Variants in DLC1 observed in about 807,000 individuals in gnomAD.
The protein encoded by DLC1 is rho GTPase-activating protein 7.
A neutral mutation model predicts 140.3 loss-of-function variants in DLC1; 54 were observed. The observed-to-expected ratio is 0.38, with a 90% CI of 0.31 to 0.48. The LOEUF (loss-of-function observed/expected upper bound fraction) is 0.48, where lower values mean the gene tolerates loss of function less well. Among genes scored for constraint, DLC1 ranks in the 20% least tolerant of loss-of-function variants. The probability of loss-of-function intolerance (pLI) is 0.96; values close to 1 mark genes in which losing one functional copy is unlikely to be tolerated. For synonymous variants in DLC1, 986 were observed against 728.1 expected, an observed-to-expected ratio of 1.35 and a Z score of -5.70; for missense variants, 2,536 against 1,907.0, an observed-to-expected ratio of 1.33 and a Z score of -6.14.
chr8:13,579,336 TATA>T lies in DLC1; in HGVS notation c.-126+25198_-126+25200del, dbSNP rs1340048800. On this transcript the variant is annotated intron_variant, in intron 1 of 1. Coordinates refer to the DLC1 transcript ENST00000631382. Reference sequence around the variant, plus strand: ...GACTTTATATATATATATATATATATATATATATATATATATATATATATATTT... The same window carrying T: ...GACTTTATATATATATATATATATATTATATATATATATATATATATATTT... Among the ~76,000 whole-genome samples, 114 of 20,250 alleles carry T rather than the reference TATA, an allele frequency of 5.6e-3. 26 individuals carry two copies. The highest frequency in any genetic ancestry group is 0.018 in the African/African-American group (113 of 6,146). 13.3% of individuals were successfully genotyped at this position (20,250 alleles called of 152,430 possible).
At chr8:13,243,980 C>A (rs1262651511) in intron 5 of DLC1, among the ~76,000 whole-genome samples, 1 of 152,148 alleles carries the variant, frequency 6.6e-6, no homozygotes, top group Non-Finnish European at 1.5e-5. Context: ...TCCTCTGTAA[C>A]CTGCTTCTCT....
intron 2 of DLC1, among the ~76,000 whole-genome samples, chr8:13,434,450 C>T (rs1839025012): frequency 6.6e-6 from 1 of 151,982 alleles, no homozygotes; most frequent in African/African-American, 2.4e-5. Context: ...AACGTGCAGG[C>T]ATGACAGTTA....
intron 4 of DLC1, among the ~76,000 whole-genome samples, chr8:13,334,377 C>T (rs998823809): frequency 6.6e-6 from 1 of 152,030 alleles, no homozygotes; most frequent in Non-Finnish European, 1.5e-5. Context: ...GATCTGTGAG[C>T]CCCCCTGGAG....
At chr8:13,343,216 C>T (rs1226816764) in intron 4 of DLC1, among the ~76,000 whole-genome samples, 1 of 152,102 alleles carries the variant, frequency 6.6e-6, no homozygotes, top group Non-Finnish European at 1.5e-5. Flanking sequence ...TTGGGTCATC[C>T]ATGAATACCC....
chr8:13,287,667 C>T (rs888168301), intron 5 of DLC1, among the ~76,000 whole-genome samples: 3 of 152,072 alleles, frequency 2.0e-5, no homozygotes, highest in African/African-American at 7.2e-5. Context: ...AATAAACCTC[C>T]CAAGGGAACA....
intron 2 of DLC1, among the ~76,000 whole-genome samples, chr8:13,427,294 G>A (rs1288274051): frequency 6.6e-6 from 1 of 152,078 alleles, no homozygotes; most frequent in Non-Finnish European, 1.5e-5. Context: ...GGCTCATGGG[G>A]CTCTGTCCCG....
At chr8:13,224,975 AT>A (rs1156578613) in intron 5 of DLC1, among the ~76,000 whole-genome samples, 1 of 152,162 alleles carries the variant, frequency 6.6e-6, no homozygotes, top group Non-Finnish European at 1.5e-5. Flanking sequence ...GGGCTCAGTC[AT>A]TTTTTTCTTT....
rs1183829868 is a variant in DLC1, at chr8:13,511,913, A to G, written c.-126+2689T>C. ...AAATGATCAATTTTTGACCTATTTT[A>G]AGCCTGTAAGATCTAAAACTCTATG... is the stretch of plus-strand genomic sequence containing the variant. On this transcript the variant is annotated intron_variant, in intron 1 of 17. Coordinates refer to ENST00000276297, the MANE Select transcript of DLC1 (RefSeq NM_182643.3). Among the ~76,000 whole-genome samples the G allele has an allele frequency of 3.3e-5, 5 of 152,284 alleles. No individual in the cohort carries two copies. In the East Asian group the frequency reaches 9.6e-4, roughly 29 times the overall value.
intron 4 of DLC1, among the ~76,000 whole-genome samples, chr8:13,349,025 A>G (rs910036335): frequency 1.3e-5 from 2 of 152,150 alleles, no homozygotes; most frequent in Non-Finnish European, 2.9e-5. Flanking sequence ...ATGTAGCACT[A>G]AGATTCGTAG....
chr8:13,100,302 A>G lies in DLC1; in HGVS notation c.2035T>C (p.Ser679Pro). The change falls in exon 9 of 18, where the codon TCC (serine) becomes CCC (proline). Residue 679 changes from serine (S) to proline (P), a missense_variant. Ser to Pro is a moderately conservative substitution (Grantham distance 74, BLOSUM62 -1). Transcript: ENST00000276297. Reference protein sequence around the residue: ...KRMESLKLKSSHHSKHKAPSK... With the variant: ...KRMESLKLKSPHHSKHKAPSK... ...GGCGCTTTGTGCTTGCTGTGATGGG[A>G]GCTCTTGAGCTTCAGGCTCTCCATC... 1 of 1,614,022 alleles carries G rather than the reference A, an allele frequency of 6.2e-7. No individual in the cohort carries two copies. Among genetic ancestry groups the G allele is most frequent in the Non-Finnish European group, 8.5e-7 (1 of 1,180,026 alleles).
intron 5 of DLC1, among the ~76,000 whole-genome samples, chr8:13,151,391 A>C (rs1823798279): frequency 6.6e-6 from 1 of 152,176 alleles, no homozygotes. Context: ...ATGGATGAGG[A>C]ATTTAGGCAG....
chr8:13,425,378 C>G (rs73665112), intron 2 of DLC1, among the ~76,000 whole-genome samples: 475 of 152,280 alleles, frequency 3.1e-3, no homozygotes, highest in African/African-American at 0.011. Flanking sequence ...TCTCAGAGTT[C>G]ACAGGACTGA....
intron 4 of DLC1, among the ~76,000 whole-genome samples, chr8:13,356,302 C>A (rs1834940968): frequency 6.6e-6 from 1 of 152,056 alleles, no homozygotes; most frequent in South Asian, 2.1e-4. Context: ...CAGAAGTCAT[C>A]CAGTCCAATT....
At chr8:13,410,633 G>A (rs1837741989) in intron 2 of DLC1, among the ~76,000 whole-genome samples, 1 of 148,906 alleles carries the variant, frequency 6.7e-6, no homozygotes, top group South Asian at 2.1e-4. Context: ...ACTAAAAAAA[G>A]AAATGAGCAA....
chr8:13,109,128 G>A (rs1369020328), intron 7 of DLC1, among the ~76,000 whole-genome samples: 1 of 152,138 alleles, frequency 6.6e-6, no homozygotes, highest in Non-Finnish European at 1.5e-5. Flanking sequence ...CCAAACCACT[G>A]CTTACTTTGG....
At chr8:13,539,855 G>A (rs1405104677) in intron 1 of DLC1, among the ~76,000 whole-genome samples, 3 of 151,956 alleles carry the variant, frequency 2.0e-5, no homozygotes, top group South Asian at 4.1e-4. Context: ...GTGGGTGTAG[G>A]ACAGAAGAAA....
rs140639899 is a variant in DLC1, at chr8:13,590,093, A to G, written c.-126+14444T>C. Among the ~76,000 whole-genome samples the G allele has an allele frequency of 8.9e-4, 135 of 151,450 alleles. 2 individuals carry two copies. Among genetic ancestry groups the G allele is most frequent in the African/African-American group, 3.0e-3 (124 of 41,322 alleles). ...TATATATATACAAACACATGCTTTT[A>G]TTTTGTTTTATTTTCCCCTGAAGTT... On this transcript the variant is annotated intron_variant, in intron 1 of 1. Coordinates refer to the DLC1 transcript ENST00000631382.
chr8:13,603,940 T>C (rs1353153357), intron 1 of DLC1, among the ~76,000 whole-genome samples: 1 of 152,102 alleles, frequency 6.6e-6, no homozygotes, highest in Non-Finnish European at 1.5e-5. Context: ...TTTGGTACAT[T>C]AGCTAATTGT....
chr8:13,538,165 A>C (rs1184115373), intron 1 of DLC1, among the ~76,000 whole-genome samples: 1 of 152,088 alleles, frequency 6.6e-6, no homozygotes, highest in Non-Finnish European at 1.5e-5. Flanking sequence ...GGCCTTCTTA[A>C]ATACTGGAAA....
Sources: gnomAD v4.1 joint callset for allele counts (sites outside exome capture counted in the v4.1 genomes callset) on GRCh38, gnomAD v4.1.1 for gene constraint, MANE v1.5 for transcripts, NCBI Gene and HGNC (gene_info 2026-07-23, HGNC 2026-07-21) for gene names.